The following DDX10 variants were observed in gnomAD, a reference collection of about 807,000 sequenced individuals.
DDX10 encodes the protein probable ATP-dependent RNA helicase DDX10.
In DDX10, 74 loss-of-function variants were observed where a neutral mutation model predicts 104.3. The observed-to-expected ratio is 0.71, with a 90% CI of 0.59 to 0.86. The LOEUF is 0.86. DDX10 is among the 40% of genes least tolerant of loss of function. The probability of loss-of-function intolerance (pLI) is 0.00; values close to 1 mark genes in which losing one functional copy is unlikely to be tolerated. For synonymous variants in DDX10, 351 were observed against 353.4 expected, an observed-to-expected ratio of 0.99 and a Z score of 0.08; for missense variants, 952 against 1,040.0, an observed-to-expected ratio of 0.92 and a Z score of 1.16.
intron 13 of DDX10, among the ~76,000 whole-genome samples, chr11:108,778,958 A>AAAATGCAATGG (rs1282185847): frequency 5.9e-5 from 9 of 152,266 alleles, no homozygotes; most frequent in Non-Finnish European, 1.3e-4. Flanking sequence ...ACTGGCCATC[A>AAAATGCAATGG]GAGAAATGCA....
At chr11:108,855,382 A>T (rs17108656) in intron 16 of DDX10, among the ~76,000 whole-genome samples, 1,556 of 152,320 alleles carry the variant, frequency 0.01, 26 homozygotes, top group African/African-American at 0.036. Flanking sequence ...AAGGAACAAC[A>T]GTGCTGAAAC....
At position 108,723,361 on chromosome 11, in the gene DDX10, C is replaced by T; in HGVS notation, c.1864C>T (p.Gln622Ter). 1 of 1,614,008 alleles carries T rather than the reference C, an allele frequency of 6.2e-7. No individual in the cohort carries two copies. The highest frequency in any genetic ancestry group is 8.5e-7 in the Non-Finnish European group (1 of 1,179,928). ...EAQKIKEVPT[Q>*]FLDRDEEEED... The stretch of plus-strand genomic sequence containing the variant: ...ACAGAAGATCAAGGAAGTTCCTACA[C>T]AGTTCTTGGACAGAGATGAGGAGGA... The change falls in exon 13 of 18, where the codon CAG (glutamine) becomes TAG (stop). Residue 622 changes from glutamine (Q) to a stop codon, truncating the protein, a stop_gained. Coordinates refer to ENST00000322536, the MANE Select transcript of DDX10 (RefSeq NM_004398.4). LOFTEE classifies it high-confidence loss of function.
intron 16 of DDX10, among the ~76,000 whole-genome samples, chr11:108,907,941 C>T (rs1243026439): frequency 2.6e-5 from 4 of 152,160 alleles, no homozygotes; most frequent in Non-Finnish European, 5.9e-5. Flanking sequence ...GTGATGGGGC[C>T]AGGCTGTTAA....
At chr11:108,678,219 G>T in intron 4 of DDX10, 96 bp from the exon 5 acceptor site, 2 of 1,219,686 alleles carry the variant, frequency 1.6e-6, no homozygotes, top group Non-Finnish European at 2.2e-6. Flanking sequence ...CTAAAATGTT[G>T]TGATGAAATG....
intron 16 of DDX10, among the ~76,000 whole-genome samples, chr11:108,912,234 T>C (rs1863689836): frequency 6.6e-6 from 1 of 152,142 alleles, no homozygotes; most frequent in African/African-American, 2.4e-5. Context: ...TAGTTCTTCT[T>C]TTAAGGGTGC....
At chr11:108,940,189 T>C in intron 17 of DDX10, 57 bp from the exon 18 acceptor site, 20 of 1,551,610 alleles carry the variant, frequency 1.3e-5, no homozygotes, top group Non-Finnish European at 1.7e-5. Flanking sequence ...TTGTCCTATT[T>C]TAAATGTTTG....
intron 16 of DDX10, among the ~76,000 whole-genome samples, chr11:108,867,356 G>T (rs1304314751): frequency 1.3e-5 from 2 of 152,196 alleles, no homozygotes; most frequent in Non-Finnish European, 2.9e-5. Context: ...AGTAGTTTGA[G>T]TAGAAAGTTT....
chr11:108,897,464 A>G (rs1863456423), intron 16 of DDX10, among the ~76,000 whole-genome samples: 2 of 152,168 alleles, frequency 1.3e-5, no homozygotes, highest in African/African-American at 2.4e-5. Context: ...TTTAAAAATA[A>G]ATGTTTCTTT....
chr11:108,711,812 G>C (rs1408592987), intron 10 of DDX10, among the ~76,000 whole-genome samples: 1 of 152,226 alleles, frequency 6.6e-6, no homozygotes, highest in Admixed American at 6.5e-5. Context: ...CTAGATGGCT[G>C]TTGTGTCCAG....
At chr11:108,856,498 A>AC (rs914153557) in intron 16 of DDX10, among the ~76,000 whole-genome samples, 15 of 151,784 alleles carry the variant, frequency 9.9e-5, no homozygotes, top group South Asian at 2.1e-4. Flanking sequence ...CAAAAAAAAA[A>AC]CCTTAAAAAA....
intron 17 of DDX10, among the ~76,000 whole-genome samples, chr11:108,928,648 A>C (rs577172223): frequency 4.6e-5 from 7 of 152,348 alleles, no homozygotes; most frequent in South Asian, 2.1e-4. Context: ...TTGACAAGTT[A>C]CTTAATCTCT....
At chr11:108,675,517 G>T in intron 2 of DDX10, 79 bp from the exon 3 acceptor site, 2 of 1,493,126 alleles carry the variant, frequency 1.3e-6, no homozygotes, top group South Asian at 1.3e-5. Flanking sequence ...TAGGAATTTT[G>T]GGGGACACAA....
At chr11:108,838,266 G>T in intron 13 of DDX10, 180 bp from the exon 14 acceptor site, 1 of 532,688 alleles carries the variant, frequency 1.9e-6, no homozygotes, top group South Asian at 3.2e-5. Context: ...TTAGGTTTTG[G>T]GAGGAGTTCT....
chr11:108,745,982 A>G (rs1419839693), intron 13 of DDX10, among the ~76,000 whole-genome samples: 1 of 152,090 alleles, frequency 6.6e-6, no homozygotes, highest in Non-Finnish European at 1.5e-5. Flanking sequence ...ATGTTCACAA[A>G]CTTGTTCAGC....
At chr11:108,851,673 C>T (rs1862794662) in intron 15 of DDX10, among the ~76,000 whole-genome samples, 1 of 149,040 alleles carries the variant, frequency 6.7e-6, no homozygotes, top group African/African-American at 2.6e-5. Context: ...TAGAATGTAT[C>T]GCAAAAAGCA....
chr11:108,779,411 A>G (rs1260814528), intron 13 of DDX10, among the ~76,000 whole-genome samples: 4 of 152,188 alleles, frequency 2.6e-5, no homozygotes, highest in East Asian at 3.9e-4. Flanking sequence ...GCCGGAAACC[A>G]TAATTCTGAG....
intron 16 of DDX10, among the ~76,000 whole-genome samples, chr11:108,867,569 C>T (rs1263373767): frequency 6.6e-6 from 1 of 152,184 alleles, no homozygotes; most frequent in African/African-American, 2.4e-5. Flanking sequence ...AGTCATGACA[C>T]CTGTGTGTAT....
intron 16 of DDX10, 129 bp from the exon 17 acceptor site, chr11:108,917,744 C>A: frequency 1.2e-6 from 1 of 832,136 alleles, no homozygotes. Flanking sequence ...CACATAAGGG[C>A]CTACACCAGA....
intron 13 of DDX10, among the ~76,000 whole-genome samples, chr11:108,805,965 A>G (rs1450488622): frequency 5.3e-5 from 8 of 151,866 alleles, no homozygotes; most frequent in Non-Finnish European, 1.0e-4. Context: ...AATTTATTTT[A>G]TTTTATTTTT....
Sources: gnomAD v4.1 joint callset for allele counts (sites outside exome capture counted in the v4.1 genomes callset) on GRCh38, gnomAD v4.1.1 for gene constraint, MANE v1.5 for transcripts, NCBI Gene and HGNC (gene_info 2026-07-23, HGNC 2026-07-21) for gene names.